NTN1: variants seen among roughly 807,000 people sequenced by gnomAD.
The protein encoded by NTN1 is netrin-1.
NTN1 carries 11 observed loss-of-function variants against 54.2 expected under a neutral mutation model. The ratio of observed to expected loss-of-function variants is 0.20; its 90% CI spans 0.13 to 0.34. NTN1 has a LOEUF of 0.34. Among genes scored for constraint, NTN1 ranks in the 10% least tolerant of loss-of-function variants. The pLI, the probability that NTN1 is intolerant of heterozygous loss-of-function variation, is 1.00. For synonymous variants in NTN1, 371 were observed against 382.0 expected, an observed-to-expected ratio of 0.97 and a Z score of 0.33; for missense variants, 740 against 893.1, an observed-to-expected ratio of 0.83 and a Z score of 2.18.
rs575389109 is a variant in NTN1, at chr17:9,218,722, G to A, written c.1412-2446G>A. On this transcript the variant is annotated intron_variant, in intron 5 of 6. Coordinates refer to ENST00000173229, the MANE Select transcript of NTN1 (RefSeq NM_004822.3). ...AGCTCTCAGTTCTAAGCTAGGCACC[G>A]CAGTCCCTCCCTCAAAGCATCAGAT... is the stretch of plus-strand genomic sequence containing the variant. 4.0e-4 allele frequency among the ~76,000 whole-genome samples: 61 copies of A among 152,266 alleles called. No homozygotes were observed. In the South Asian group the frequency reaches 0.011, roughly 28 times the overall value.
Position 9,205,847 on chromosome 17 carries a change from C to T in NTN1, c.1412-15321C>T, listed in dbSNP as rs150420501. Among the ~76,000 whole-genome samples the T allele has an allele frequency of 4.9e-4, 74 of 152,352 alleles. 2 individuals carry two copies. The East Asian group carries it at 8.9e-3, about 18-fold the overall frequency. On this transcript the variant is annotated intron_variant, in intron 5 of 6. Coordinates refer to ENST00000173229, the MANE Select transcript of NTN1 (RefSeq NM_004822.3). ...TTCTCCTGTGTGTAATGGCCATGGC[C>T]GTCCTAATACCACCCGAACTGCCTC...
intron 5 of NTN1, among the ~76,000 whole-genome samples, chr17:9,205,709 T>C (rs1250757319): frequency 6.6e-6 from 1 of 152,168 alleles, no homozygotes; most frequent in Non-Finnish European, 1.5e-5. Flanking sequence ...TTGCCATGGC[T>C]CTGTGTATGG....
rs1054577409 is a variant in NTN1, at chr17:9,185,713, C to T, written c.1411+2744C>T. On this transcript the variant is annotated intron_variant, in intron 5 of 6. Transcript: ENST00000173229. Reference sequence around the variant, plus strand: ...TCACCTACTTGTTGGTTGTAGAGACCTCAGCACTCAAGGAAAAAAGACACC... The same window carrying T: ...TCACCTACTTGTTGGTTGTAGAGACTTCAGCACTCAAGGAAAAAAGACACC... Among the ~76,000 whole-genome samples, 5 of 152,288 alleles carry T rather than the reference C, an allele frequency of 3.3e-5. No homozygotes were observed. The South Asian group carries it at 6.2e-4, about 19-fold the overall frequency.
At chr17:9,152,142 G>A (rs915121954) in intron 2 of NTN1, among the ~76,000 whole-genome samples, 7 of 152,208 alleles carry the variant, frequency 4.6e-5, no homozygotes, top group Non-Finnish European at 8.8e-5. Context: ...TCTTGCTGCC[G>A]CTCACTCTTT....
rs1352426063 is a variant in NTN1 at position 9,212,272 on chromosome 17, C to T, written c.1412-8896C>T. Among the ~76,000 whole-genome samples the T allele has an allele frequency of 2.6e-5, 4 of 152,050 alleles. No individual in the cohort carries two copies. The highest frequency in any genetic ancestry group is 4.1e-4 in the South Asian group (2 of 4,822). On this transcript the variant is annotated intron_variant, in intron 5 of 6. Transcript: ENST00000173229. The surrounding 1 kb of genome is among the most constrained non-coding windows in gnomAD (Gnocchi z 5.5). ...ACCTGGGGCAGGGTGGGGCAAGTCA[C>T]GAAGTCACCTGCAGCCTAGGACCAA...
intron 2 of NTN1, among the ~76,000 whole-genome samples, chr17:9,069,101 T>C (rs796726475): frequency 7.9e-5 from 12 of 152,142 alleles, no homozygotes; most frequent in African/African-American, 2.9e-4. Flanking sequence ...TAGCCTGGCT[T>C]CCTCCACCGT....
chr17:9,114,143 CAAAAAAAAAGAAAAAAAA>C (rs2092201630), intron 2 of NTN1, among the ~76,000 whole-genome samples: 1 of 61,094 alleles, frequency 1.6e-5, no homozygotes, highest in African/African-American at 6.2e-5. Context: ...GCCTGGGTGC[CAAAAAAAAAGAAAAAAAA>C]AAAAAATATA....
At chr17:9,128,323 A>C (rs555325799) in intron 2 of NTN1, among the ~76,000 whole-genome samples, 8,284 of 150,932 alleles carry the variant, frequency 0.055, 298 homozygotes, top group Middle Eastern at 0.095. Flanking sequence ...AAAAAAAAAA[A>C]AAAAGTATCC....
intron 2 of NTN1, among the ~76,000 whole-genome samples, chr17:9,098,361 T>C (rs1174555137): frequency 6.6e-6 from 1 of 152,196 alleles, no homozygotes; most frequent in Non-Finnish European, 1.5e-5. Context: ...ACCTGTGCAG[T>C]CTGGAGAGCG....
At chr17:9,160,779 C>T (rs531614260) in intron 2 of NTN1, among the ~76,000 whole-genome samples, 1 of 151,914 alleles carries the variant, frequency 6.6e-6, no homozygotes, top group African/African-American at 2.4e-5. Flanking sequence ...ATGGTGAAAC[C>T]CTGTTTCTAC....
chr17:9,162,072 G>A (rs945864143), intron 2 of NTN1, among the ~76,000 whole-genome samples: 5 of 152,206 alleles, frequency 3.3e-5, no homozygotes, highest in Non-Finnish European at 7.3e-5. Flanking sequence ...GGGAACAGGT[G>A]GAGCAGAGCC....
chr17:9,214,021 T>C (rs1025676719), intron 5 of NTN1, among the ~76,000 whole-genome samples: 1 of 152,162 alleles, frequency 6.6e-6, no homozygotes, highest in Non-Finnish European at 1.5e-5. Flanking sequence ...TTTTTTTCTT[T>C]TAGTTTGTAT....
At chr17:9,177,764 C>T (rs1465403658) in intron 3 of NTN1, 1 of 152,354 alleles carries the variant, frequency 6.6e-6, no homozygotes, top group Non-Finnish European at 1.5e-5. Flanking sequence ...TCTCCAGCCT[C>T]CCCTCCTCGC....
chr17:9,025,084 C>T (rs945430110), intron 2 of NTN1, among the ~76,000 whole-genome samples: 1 of 152,142 alleles, frequency 6.6e-6, no homozygotes, highest in East Asian at 1.9e-4. Flanking sequence ...ATAACTTTGT[C>T]TTGTCACCAT....
rs544391047 is a variant in NTN1, at chr17:9,216,494, T to TA, written c.1412-4674_1412-4673insA. Among the ~76,000 whole-genome samples, 56 of 152,382 alleles carry TA rather than the reference T, an allele frequency of 3.7e-4. No individual in the cohort carries two copies. The South Asian group carries it at 0.011, about 30-fold the overall frequency. On this transcript the variant is annotated intron_variant, in intron 5 of 6. Transcript: ENST00000173229. Reference sequence around the variant, plus strand: ...AAAGATGAATAGTTGTGACAGCAACTTTATGGTCCCCTATGCCTAAAGTAT... The same window carrying TA: ...AAAGATGAATAGTTGTGACAGCAACTATTATGGTCCCCTATGCCTAAAGTAT...
intron 2 of NTN1, among the ~76,000 whole-genome samples, chr17:9,082,704 T>G (rs1597481159): frequency 2.1e-5 from 2 of 96,614 alleles, no homozygotes; most frequent in Admixed American, 1.3e-4. Context: ...GCCATGAGAG[T>G]TTCTCGCCTT....
chr17:9,057,556 T>C (rs776300435), intron 2 of NTN1, among the ~76,000 whole-genome samples: 11 of 152,296 alleles, frequency 7.2e-5, no homozygotes, highest in South Asian at 2.1e-4. Flanking sequence ...CCCGTTTTCA[T>C]TGATTTCTCG....
At chr17:9,111,810 A>T (rs973128358) in intron 2 of NTN1, among the ~76,000 whole-genome samples, 1 of 152,222 alleles carries the variant, frequency 6.6e-6, no homozygotes. Context: ...GTGGGTCATC[A>T]TGAAGGTCTT....
chr17:9,187,622 A>G (rs1351970054), intron 5 of NTN1, among the ~76,000 whole-genome samples: 1 of 138,874 alleles, frequency 7.2e-6, no homozygotes, highest in Admixed American at 8.0e-5. Context: ...GTTTGAGACC[A>G]GCCTGTGCAA....
Sources: gnomAD v4.1 joint callset for allele counts (sites outside exome capture counted in the v4.1 genomes callset) on GRCh38, gnomAD v4.1.1 for gene constraint, Gnocchi (gnomAD v3.1) non-coding constraint, MANE v1.5 for transcripts, NCBI Gene and HGNC (gene_info 2026-07-23, HGNC 2026-07-21) for gene names.